The following FLT1 variants were observed in gnomAD, a reference collection of about 807,000 sequenced individuals.
FLT1 encodes vascular endothelial growth factor receptor 1.
Under a neutral mutation model 156.3 loss-of-function variants are expected in FLT1, and 49 were observed. The ratio of observed to expected loss-of-function variants is 0.31; its 90% confidence interval spans 0.25 to 0.40. The LOEUF (loss-of-function observed/expected upper bound fraction) is 0.40, where lower values mean the gene tolerates loss of function less well. Ranked by LOEUF, FLT1 falls within the 10% of genes least tolerant of loss-of-function variation. FLT1 has a pLI of 1.00. For missense variants in FLT1, 1,322 were observed against 1,637.2 expected, an observed-to-expected ratio of 0.81 and a Z score of 3.32; for synonymous variants, 594 against 583.8, an observed-to-expected ratio of 1.02 and a Z score of -0.25.
intron 13 of FLT1, chr13:28,387,884 C>T: frequency 9.4e-7 from 1 of 1,058,398 alleles, no homozygotes; most frequent in Non-Finnish European, 1.1e-6. Context: ...TTCTTAAACT[C>T]ATCTCTTGGA....
At chr13:28,356,989 G>C (rs1205335023) in intron 15 of FLT1, among the ~76,000 whole-genome samples, 1 of 152,228 alleles carries the variant, frequency 6.6e-6, no homozygotes, top group Non-Finnish European at 1.5e-5. Context: ...GACCTATAAA[G>C]AGGAAGCACT....
intron 3 of FLT1, among the ~76,000 whole-genome samples, chr13:28,447,896 T>C (rs930420734): frequency 6.6e-6 from 1 of 151,624 alleles, no homozygotes; most frequent in African/African-American, 2.4e-5. Context: ...AATAAAAAGT[T>C]GAAGAACTCT....
At chr13:28,363,159 G>A (rs1038372293) in intron 14 of FLT1, among the ~76,000 whole-genome samples, 1 of 152,062 alleles carries the variant, frequency 6.6e-6, no homozygotes, top group African/African-American at 2.4e-5. Context: ...CCAAATCGTA[G>A]GATACAGGCT....
chr13:28,386,333 T>C (rs1593731603), intron 13 of FLT1: 1 of 1,004,596 alleles, frequency 1.0e-6, no homozygotes, highest in East Asian at 5.8e-5. Flanking sequence ...TCACATAAAT[T>C]TTATAACATT....
At chr13:28,454,070 A>G (rs1028264204) in intron 3 of FLT1, among the ~76,000 whole-genome samples, 1 of 152,074 alleles carries the variant, frequency 6.6e-6, no homozygotes, top group East Asian at 1.9e-4. Flanking sequence ...TCCCAGGCAG[A>G]GCACCCCCAG....
intron 3 of FLT1, among the ~76,000 whole-genome samples, chr13:28,461,541 A>G (rs990495600): frequency 2.1e-4 from 32 of 152,290 alleles, no homozygotes; most frequent in African/African-American, 7.5e-4. Flanking sequence ...AGTTCAGTAC[A>G]AATGAGTTCA....
intron 1 of FLT1, among the ~76,000 whole-genome samples, chr13:28,492,153 GATTT>G (rs1488664737): frequency 1.3e-5 from 2 of 152,142 alleles, no homozygotes; most frequent in Non-Finnish European, 2.9e-5. Flanking sequence ...TATTATAAGA[GATTT>G]ATTACATTCA....
At chr13:28,320,200 C>G (rs1031981114) in intron 23 of FLT1, among the ~76,000 whole-genome samples, 5 of 152,034 alleles carry the variant, frequency 3.3e-5, no homozygotes, top group African/African-American at 9.7e-5. Flanking sequence ...GTGGGAGGGG[C>G]AGGGAGGCTG....
At chr13:28,446,445 A>G (rs916149031) in intron 3 of FLT1, among the ~76,000 whole-genome samples, 2 of 152,246 alleles carry the variant, frequency 1.3e-5, no homozygotes, top group Non-Finnish European at 2.9e-5. Flanking sequence ...GAATTAATAA[A>G]TGAGTTCAGC....
intron 13 of FLT1, chr13:28,389,561 C>T: frequency 7.0e-7 from 1 of 1,435,666 alleles, no homozygotes; most frequent in Non-Finnish European, 9.1e-7. Context: ...GGGCCCAGAG[C>T]TGGGGCCCGG....
chr13:28,388,085 A>G (rs1335050006), intron 13 of FLT1: 5 of 1,057,040 alleles, frequency 4.7e-6, no homozygotes, highest in Non-Finnish European at 5.7e-6. Context: ...GTATTAAGGC[A>G]TTGTTTCCTG....
At chr13:28,435,191 C>T (rs368051024) in intron 4 of FLT1, among the ~76,000 whole-genome samples, 2 of 152,152 alleles carry the variant, frequency 1.3e-5, no homozygotes, top group African/African-American at 4.8e-5. Context: ...AAGGCAGCCT[C>T]GGAGGCCAGA....
At chr13:28,371,104 TAA>T (rs1360572334) in intron 14 of FLT1, among the ~76,000 whole-genome samples, 2 of 152,124 alleles carry the variant, frequency 1.3e-5, no homozygotes, top group Admixed American at 1.3e-4. Context: ...TATCAAGTAA[TAA>T]AAGCAAGTCT....
intron 14 of FLT1, chr13:28,368,508 T>C: frequency 6.5e-7 from 1 of 1,539,120 alleles, no homozygotes; most frequent in South Asian, 1.2e-5. Context: ...TTCTTTGAAG[T>C]TGACACATAA....
At chr13:28,401,998 T>C (rs1165640477) in intron 11 of FLT1, among the ~76,000 whole-genome samples, 1 of 152,184 alleles carries the variant, frequency 6.6e-6, no homozygotes, top group Non-Finnish European at 1.5e-5. Flanking sequence ...AACCTAACAG[T>C]TTGGCAACAC....
chr13:28,480,895 G>T (rs1317120983), intron 1 of FLT1, among the ~76,000 whole-genome samples: 1 of 152,192 alleles, frequency 6.6e-6, no homozygotes, highest in Non-Finnish European at 1.5e-5. Flanking sequence ...AAGACGACCG[G>T]GGTGGAGACT....
rs142150179 is a variant in FLT1 at position 28,438,587 on chromosome 13, A to G, written c.389-242T>C. Among the ~76,000 whole-genome samples the G allele has an allele frequency of 3.9e-3, 588 of 152,330 alleles. 3 individuals carry two copies. Among genetic ancestry groups the G allele is most frequent in the African/African-American group, 0.012 (518 of 41,558 alleles). ...GTTGGCCTCTGATCAGATTGCCCCA[A>G]TACCTTAATATGCAATGTGGTATGG... On this transcript the variant is annotated intron_variant, in intron 3 of 29. Coordinates refer to ENST00000282397, the MANE Select transcript of FLT1 (RefSeq NM_002019.4).
intron 1 of FLT1, among the ~76,000 whole-genome samples, chr13:28,485,185 G>A (rs1332926558): frequency 6.6e-5 from 10 of 152,000 alleles, no homozygotes; most frequent in Admixed American, 6.6e-4. Flanking sequence ...AGTCAGTAGG[G>A]TTTGGTTGCC....
At chr13:28,309,906 T>G (rs1870927287) in intron 27 of FLT1, among the ~76,000 whole-genome samples, 2 of 128,860 alleles carry the variant, frequency 1.6e-5, no homozygotes, top group Admixed American at 7.6e-5. Flanking sequence ...TTTTTTTTTT[T>G]GGAGACAGAG....
Sources: gnomAD v4.1 joint callset for allele counts (sites outside exome capture counted in the v4.1 genomes callset) on GRCh38, gnomAD v4.1.1 for gene constraint, MANE v1.5 for transcripts, NCBI Gene and HGNC (gene_info 2026-07-23, HGNC 2026-07-21) for gene names.